RBL2: variants seen among roughly 807,000 people sequenced by gnomAD.
RBL2 encodes the protein retinoblastoma-like protein 2.
RBL2 carries 56 observed loss-of-function variants against 126.0 expected under a neutral mutation model. That is an observed-to-expected ratio of 0.44 (90% CI 0.36 to 0.56). RBL2 has a LOEUF of 0.56. Ranked by LOEUF, RBL2 falls within the 20% of genes least tolerant of loss-of-function variation. The probability of loss-of-function intolerance (pLI) is 0.00; values close to 1 mark genes in which losing one functional copy is unlikely to be tolerated. For synonymous variants in RBL2, 454 were observed against 478.5 expected (o/e 0.95, Z 0.67); for missense variants, 1,229 against 1,398.2 (o/e 0.88, Z 1.93).
chr16:53,470,083 G>A lies in RBL2; in HGVS notation c.2143G>A (p.Glu715Lys). 1.2e-6 allele frequency: 2 copies of A among 1,614,218 alleles called. No individual in the cohort carries two copies. Among genetic ancestry groups the A allele is most frequent in the East Asian group, 4.5e-5 (2 of 44,880 alleles). The change falls in exon 15 of 22, where the codon GAG becomes AAG. Residue 715 changes from glutamate to lysine, a missense_variant. By Grantham distance (56) the Glu-to-Lys change is moderately conservative. Around this residue, in one of 2 missense-constraint regions of RBL2, gnomAD observed 1,070 missense variants for 1,274.3 expected, o/e 0.84. Coordinates refer to ENST00000262133, the MANE Select transcript of RBL2 (RefSeq NM_005611.4). ...TGTCCCTGTGCAGAATGTATCTGGG[G>A]AGACTGTTTCTGTCACACCAGTTCC... Reference protein sequence around the residue: ...NAVPVQNVSGETVSVTPVPGQ... With the variant: ...NAVPVQNVSGKTVSVTPVPGQ...
Position 53,470,821 on chromosome 16 carries a change from A to G in RBL2, c.2602A>G (p.Ile868Val). The change falls in exon 17 of 22, where the codon ATC (isoleucine) becomes GTC (valine). Residue 868 changes from isoleucine to valine, a missense_variant. Around this residue, in one of 2 missense-constraint regions of RBL2, gnomAD observed 1,070 missense variants for 1,274.3 expected, o/e 0.84. Coordinates refer to ENST00000262133, the MANE Select transcript of RBL2 (RefSeq NM_005611.4). ...LDISDELRKK[I>V]WTCFEFSIIQ... ...TATTTCAGATGAATTGAGGAAAAAA[A>G]TCTGGACCTGCTTTGAATTCTCCAT... The G allele has an allele frequency of 6.2e-7, 1 of 1,614,098 alleles. No homozygotes were observed. Among genetic ancestry groups the G allele is most frequent in the Non-Finnish European group, 8.5e-7 (1 of 1,179,960 alleles).
chr16:53,449,609 A>C (rs2058094646), intron 4 of RBL2: 1 of 151,086 alleles, frequency 6.6e-6, no homozygotes, highest in African/African-American at 2.4e-5. Flanking sequence ...AAAAAAAAGA[A>C]ACTTGGTCCT....
rs59433365 is a variant in RBL2, at chr16:53,486,125, GAAAA to G, written c.3250-3988_3250-3985del. Among the ~76,000 whole-genome samples, 117 of 92,162 alleles carry G rather than the reference GAAAA, an allele frequency of 1.3e-3. 1 individual carries two copies. The highest frequency in any genetic ancestry group is 1.0e-3 in the Non-Finnish European group (49 of 47,980). The allele number at this position is 92,162 out of a possible 152,430, so 60.5% of individuals were successfully genotyped here. A position where few individuals can be genotyped will look rare whatever the true frequency, so the allele number is the denominator to read the frequency against. On this transcript the variant is annotated intron_variant, in intron 21 of 21. Coordinates refer to ENST00000262133, the MANE Select transcript of RBL2 (RefSeq NM_005611.4). ...GGCAACATAGCAAGACCTTGTCTCTGAAAAAAAAAAAAAAAAAAAAGCCAGGTGT... is the reference window on the plus strand; with the variant it reads ...GGCAACATAGCAAGACCTTGTCTCTGAAAAAAAAAAAAAAAAGCCAGGTGT...
intron 7 of RBL2, 90 bp downstream of exon 7, chr16:53,453,859 A>C (rs2058140148): frequency 8.7e-7 from 1 of 1,147,836 alleles, no homozygotes; most frequent in Non-Finnish European, 1.2e-6. Context: ...TGTACTCTGG[A>C]AACTGAGAAT....
In RBL2 at chr16:53,435,756, A is replaced by C. The variant is rs768453788; in HGVS notation, c.240+960A>C. 4.7e-6 allele frequency: 6 copies of C among 1,285,496 alleles called. No homozygotes were observed. In the South Asian group the frequency reaches 7.4e-5, roughly 16 times the overall value. The allele number at this position is 1,285,496 out of a possible 1,614,324, so 79.6% of individuals were successfully genotyped here. ...AAAGCCTAACCAAGGTATTATTTAA[A>C]TATGATGTTTTTGGCTATGTGTACT... is the stretch of plus-strand genomic sequence containing the variant. On this transcript the variant is annotated intron_variant, in intron 1 of 21. Coordinates refer to ENST00000262133, the MANE Select transcript of RBL2 (RefSeq NM_005611.4).
At chr16:53,472,809 A>G (rs1458852395) in intron 17 of RBL2, among the ~76,000 whole-genome samples, 1 of 152,156 alleles carries the variant, frequency 6.6e-6, no homozygotes, top group African/African-American at 2.4e-5. Context: ...ACCAAACCCA[A>G]GGTCTTTTGA....
Position 53,479,956 on chromosome 16 carries a change from A to G in RBL2, c.2846A>G (p.His949Arg). The G allele has an allele frequency of 6.2e-7, 1 of 1,611,020 alleles. No individual in the cohort carries two copies. The highest frequency in any genetic ancestry group is 2.2e-5 in the East Asian group (1 of 44,854). ...TCTGGCAGCAGTGATAGCAGAAGCCATCAGAATTCTCCAACAGAACTAAAC... is the reference window on the plus strand; with the variant it reads ...TCTGGCAGCAGTGATAGCAGAAGCCGTCAGAATTCTCCAACAGAACTAAAC... ...RNSGSSDSRSHQNSPTELNKD... is the reference protein window; with the variant it reads ...RNSGSSDSRSRQNSPTELNKD... The change falls in exon 19 of 22, where the codon CAT becomes CGT. Residue 949 changes from histidine to arginine, a missense_variant. This residue lies in a region of RBL2 where 1,070 missense variants were observed against 1,274.3 expected (regional missense o/e 0.84). Coordinates refer to ENST00000262133, the MANE Select transcript of RBL2 (RefSeq NM_005611.4).
intron 3 of RBL2, among the ~76,000 whole-genome samples, chr16:53,446,338 A>T (rs990944230): frequency 2.6e-5 from 4 of 151,858 alleles, no homozygotes; most frequent in African/African-American, 4.8e-5. Flanking sequence ...CAGGTGAGCA[A>T]GTACCCTAGC....
chr16:53,444,237 C>T (rs1167606120), intron 3 of RBL2, among the ~76,000 whole-genome samples: 1 of 151,210 alleles, frequency 6.6e-6, no homozygotes, highest in Admixed American at 6.6e-5. Context: ...AAGAATGAAA[C>T]TCCATCTCAT....
chr16:53,484,316 T>C (rs17193176), intron 21 of RBL2, among the ~76,000 whole-genome samples: 81,901 of 152,042 alleles, frequency 0.54, 24,298 homozygotes, highest in African/African-American at 0.79. Context: ...ACTCAAAAGG[T>C]GGCTTAAAAA....
At chr16:53,464,062 CTTTA>C (rs1018306355) in intron 11 of RBL2, among the ~76,000 whole-genome samples, 160 bp from the exon 12 acceptor site, 2 of 152,002 alleles carry the variant, frequency 1.3e-5, no homozygotes, top group Non-Finnish European at 2.9e-5. Flanking sequence ...AAAAAATGGG[CTTTA>C]TTTATATAAT....
intron 9 of RBL2, among the ~76,000 whole-genome samples, chr16:53,461,008 G>A (rs2058214316): frequency 6.6e-6 from 1 of 152,196 alleles, no homozygotes; most frequent in South Asian, 2.1e-4. Flanking sequence ...ATGTGAGTCT[G>A]TAGTATGGGT....
chr16:53,478,603 C>A (rs1168898177), intron 17 of RBL2, among the ~76,000 whole-genome samples: 1 of 90,398 alleles, frequency 1.1e-5, no homozygotes, highest in African/African-American at 4.3e-5. Context: ...GTGAATTTTT[C>A]ATTTCATTTA....
intron 1 of RBL2, among the ~76,000 whole-genome samples, chr16:53,438,572 A>T (rs1370373101): frequency 1.3e-5 from 2 of 152,118 alleles, no homozygotes; most frequent in Non-Finnish European, 2.9e-5. Flanking sequence ...GGCTGGGTAC[A>T]GTGGCTCACA....
At chr16:53,441,058 C>T (rs548620455) in intron 2 of RBL2, among the ~76,000 whole-genome samples, 2 of 136,482 alleles carry the variant, frequency 1.5e-5, no homozygotes, top group Non-Finnish European at 3.0e-5. Flanking sequence ...TTCCCAGGTT[C>T]AGGTGATTCT....
chr16:53,435,867 C>A, intron 1 of RBL2: 1 of 974,998 alleles, frequency 1.0e-6, no homozygotes, highest in Non-Finnish European at 1.4e-6. Context: ...GTTAGGTCTG[C>A]AGAAGATAGT....
intron 3 of RBL2, 103 bp downstream of exon 3, chr16:53,442,961 T>G: frequency 4.4e-6 from 4 of 911,148 alleles, no homozygotes; most frequent in Non-Finnish European, 6.3e-6. Flanking sequence ...GAAATAAGAT[T>G]TAAAAAATCT....
chr16:53,482,072 C>T (rs924384677), intron 21 of RBL2, among the ~76,000 whole-genome samples: 6 of 152,066 alleles, frequency 3.9e-5, no homozygotes, highest in African/African-American at 1.2e-4. Context: ...TCTTTTTATT[C>T]CCTCTCCTAT....
At chr16:53,458,095 CAA>C (rs2058185999) in intron 8 of RBL2, among the ~76,000 whole-genome samples, 1 of 152,120 alleles carries the variant, frequency 6.6e-6, no homozygotes, top group Non-Finnish European at 1.5e-5. Context: ...TTCTTTGAAA[CAA>C]AGTGAAAGTC....
Sources: allele counts gnomAD v4.1 joint callset (sites outside exome capture counted in the v4.1 genomes callset), GRCh38; gene constraint gnomAD v4.1.1; regional missense constraint gnomAD v4.1.1; transcripts MANE v1.5; gene names NCBI Gene and HGNC (gene_info 2026-07-23, HGNC 2026-07-21).